Variants in STAG1 observed in about 807,000 individuals in gnomAD.
STAG1 encodes STAG1 cohesin complex component, also known as cohesin subunit SA-1.
In STAG1, 26 loss-of-function variants were observed where a neutral mutation model predicts 170.9. The observed-to-expected ratio is 0.15, with a 90% CI of 0.11 to 0.21. The LOEUF (loss-of-function observed/expected upper bound fraction) is 0.21. Ranked by LOEUF, STAG1 falls within the 10% of genes least tolerant of loss-of-function variation. STAG1 has a pLI of 1.00. For missense variants in STAG1, 964 were observed against 1,509.5 expected, an observed-to-expected ratio of 0.64 and a Z score of 5.99; for synonymous variants, 514 against 497.7, an observed-to-expected ratio of 1.03 and a Z score of -0.44.
At chr3:136,492,153 G>A (rs1368520052) in intron 9 of STAG1, among the ~76,000 whole-genome samples, 2 of 152,174 alleles carry the variant, frequency 1.3e-5, no homozygotes, top group Non-Finnish European at 2.9e-5. Context: ...TGTAGACTGA[G>A]TGATACTTAT....
chr3:136,746,871 CG>C (rs984260463), intron 1 of STAG1, among the ~76,000 whole-genome samples: 2 of 151,924 alleles, frequency 1.3e-5, no homozygotes, highest in African/African-American at 4.8e-5. Flanking sequence ...CCGAGGCAGG[CG>C]GATCACCTGA....
chr3:136,349,771 C>A (rs1041898377), intron 28 of STAG1, among the ~76,000 whole-genome samples: 1 of 152,194 alleles, frequency 6.6e-6, no homozygotes, highest in Admixed American at 6.5e-5. Context: ...AGCAAAACAA[C>A]ATTTTAACTA....
intron 5 of STAG1, among the ~76,000 whole-genome samples, 174 bp from the exon 6 acceptor site, chr3:136,542,369 T>G (rs1477401302): frequency 6.6e-6 from 1 of 152,158 alleles, no homozygotes; most frequent in Non-Finnish European, 1.5e-5. Flanking sequence ...AGGACAGTAC[T>G]CCTAAGAAGG....
chr3:136,392,443 T>C (rs1278682646), intron 22 of STAG1, among the ~76,000 whole-genome samples: 1 of 151,880 alleles, frequency 6.6e-6, no homozygotes, highest in African/African-American at 2.4e-5. Context: ...CTCAATAAAA[T>C]TACAAATATA....
In STAG1 at chr3:136,725,970, C is replaced by G. The variant is rs78595976; in HGVS notation, c.-84+26225G>C. ...TTTCCTCACTTATCTACTCTAACTC[C>G]AATACACATACAGAATAAGAACACT... On this transcript the variant is annotated intron_variant, in intron 1 of 33. Transcript: ENST00000383202. Among the ~76,000 whole-genome samples, 1,142 of 152,188 alleles carry G rather than the reference C, an allele frequency of 7.5e-3. 18 individuals carry two copies. The highest frequency in any genetic ancestry group is 0.026 in the African/African-American group (1,090 of 41,510).
intron 21 of STAG1, among the ~76,000 whole-genome samples, chr3:136,404,697 A>C (rs1413063720): frequency 6.6e-6 from 1 of 152,210 alleles, no homozygotes; most frequent in African/African-American, 2.4e-5. Flanking sequence ...AATCAGTGAG[A>C]ATCATTCAGC....
chr3:136,670,379 C>G (rs921835879), intron 1 of STAG1, among the ~76,000 whole-genome samples: 1 of 152,224 alleles, frequency 6.6e-6, no homozygotes, highest in Non-Finnish European at 1.5e-5. Flanking sequence ...GCATTTCCAA[C>G]AAGACCCTAA....
intron 9 of STAG1, among the ~76,000 whole-genome samples, 178 bp from the exon 10 acceptor site, chr3:136,477,590 T>C (rs1382000105): frequency 6.6e-6 from 1 of 152,040 alleles, no homozygotes; most frequent in Non-Finnish European, 1.5e-5. Context: ...ACACTAATAA[T>C]ACCAAACTGG....
chr3:136,613,377 T>C (rs1231729157), intron 3 of STAG1, among the ~76,000 whole-genome samples: 3 of 147,574 alleles, frequency 2.0e-5, no homozygotes, highest in Admixed American at 2.0e-4. Flanking sequence ...CCCAGGAAAC[T>C]GATATTGTCA....
intron 1 of STAG1, among the ~76,000 whole-genome samples, chr3:136,740,898 T>C (rs1028809516): frequency 1.3e-5 from 2 of 152,128 alleles, no homozygotes; most frequent in Non-Finnish European, 2.9e-5. Flanking sequence ...AATGAAGAGA[T>C]AAAGCTGGAA....
intron 7 of STAG1, among the ~76,000 whole-genome samples, chr3:136,513,713 T>C (rs2107890582): frequency 6.6e-6 from 1 of 152,264 alleles, no homozygotes; most frequent in East Asian, 1.9e-4. Flanking sequence ...ACAACATGTT[T>C]TTCAGGCACG....
At chr3:136,556,812 GGCTCA>G in intron 5 of STAG1, among the ~76,000 whole-genome samples, 1 of 151,816 alleles carries the variant, frequency 6.6e-6, no homozygotes, top group Non-Finnish European at 1.5e-5. Flanking sequence ...CCAATCCCTG[GGCTCA>G]AGAGATTCAC....
chr3:136,465,558 C>CAAAA (rs11364802), intron 12 of STAG1, among the ~76,000 whole-genome samples: 623 of 48,248 alleles, frequency 0.013, 31 homozygotes, highest in Non-Finnish European at 0.016. Context: ...ACTCTTGCCT[C>CAAAA]AAAAAAAAAA....
intron 7 of STAG1, among the ~76,000 whole-genome samples, chr3:136,510,617 T>G (rs904260243): frequency 1.1e-4 from 16 of 150,922 alleles, no homozygotes; most frequent in African/African-American, 3.4e-4. Context: ...GTCTTTGTTT[T>G]TTTTTTTTTT....
intron 3 of STAG1, among the ~76,000 whole-genome samples, chr3:136,622,669 G>A: frequency 6.6e-6 from 1 of 152,044 alleles, no homozygotes; most frequent in Admixed American, 6.6e-5. Flanking sequence ...TCTTCTATAG[G>A]GTTTATGCAT....
intron 3 of STAG1, among the ~76,000 whole-genome samples, chr3:136,607,042 G>A (rs186050361): frequency 1.8e-4 from 28 of 151,940 alleles, no homozygotes; most frequent in Admixed American, 5.9e-4. Flanking sequence ...GAGCCACCAC[G>A]CCCAGCCAGT....
intron 1 of STAG1, among the ~76,000 whole-genome samples, chr3:136,728,305 A>G (rs189382923): frequency 3.9e-5 from 6 of 152,320 alleles, no homozygotes; most frequent in Admixed American, 2.6e-4. Flanking sequence ...AATTAGAACA[A>G]AATTATTTAT....
chr3:136,671,805 C>T, intron 1 of STAG1, among the ~76,000 whole-genome samples: 1 of 151,472 alleles, frequency 6.6e-6, no homozygotes, highest in East Asian at 2.0e-4. Context: ...TCACTTGAGC[C>T]CAGGACGCCG....
intron 3 of STAG1, among the ~76,000 whole-genome samples, chr3:136,605,997 T>C (rs1007984347): frequency 6.6e-6 from 1 of 152,164 alleles, no homozygotes; most frequent in African/African-American, 2.4e-5. Context: ...GATTAATATA[T>C]AGAGTTCATT....
Sources: gnomAD v4.1 joint callset for allele counts (sites outside exome capture counted in the v4.1 genomes callset) on GRCh38, gnomAD v4.1.1 for gene constraint, MANE v1.5 for transcripts, NCBI Gene and HGNC (gene_info 2026-07-23, HGNC 2026-07-21) for gene names.